ZFHX3: variants seen among roughly 807,000 people sequenced by gnomAD.
The protein encoded by ZFHX3 is zinc finger homeobox 3.
In ZFHX3, 42 loss-of-function variants were observed where a neutral mutation model predicts 279.1. The ratio of observed to expected loss-of-function variants is 0.15; its 90% confidence interval spans 0.12 to 0.19. The LOEUF (loss-of-function observed/expected upper bound fraction) is 0.19, where lower values mean the gene tolerates loss of function less well. Among genes scored for constraint, ZFHX3 ranks in the 10% least tolerant of loss-of-function variants. The probability of loss-of-function intolerance (pLI) is 1.00; values close to 1 mark genes in which losing one functional copy is unlikely to be tolerated. For synonymous variants in ZFHX3, 2,293 were observed against 1,957.8 expected, an observed-to-expected ratio of 1.17 and a Z score of -4.52; for missense variants, 4,981 against 4,754.0, an observed-to-expected ratio of 1.05 and a Z score of -1.40.
At chr16:73,848,363 T>C (rs1448761735) in intron 1 of ZFHX3, among the ~76,000 whole-genome samples, 4 of 152,104 alleles carry the variant, frequency 2.6e-5, no homozygotes, top group African/African-American at 9.7e-5. Flanking sequence ...TAAGCTGTTA[T>C]GAAACTAGGG....
chr16:72,869,800 AT>A (rs1449053732), intron 4 of ZFHX3, among the ~76,000 whole-genome samples: 1 of 152,248 alleles, frequency 6.6e-6, no homozygotes, highest in Non-Finnish European at 1.5e-5. Context: ...TCCTCACTAG[AT>A]TCTCATTAAT....
At chr16:73,596,274 C>T (rs189641424) in intron 2 of ZFHX3, among the ~76,000 whole-genome samples, 43 of 152,256 alleles carry the variant, frequency 2.8e-4, no homozygotes, top group Middle Eastern at 3.4e-3. Context: ...CCACCCACCT[C>T]GGCCTCCCAA....
intron 1 of ZFHX3, among the ~76,000 whole-genome samples, chr16:73,704,064 A>G (rs1439305430): frequency 2.0e-5 from 3 of 152,186 alleles, no homozygotes; most frequent in Non-Finnish European, 2.9e-5. Flanking sequence ...AGTAGCAGTC[A>G]CAAAGAAATG....
chr16:73,794,608 C>T (rs13336717), intron 1 of ZFHX3, among the ~76,000 whole-genome samples: 6,179 of 152,132 alleles, frequency 0.041, 417 homozygotes, highest in African/African-American at 0.14. Context: ...TTGCAAATGA[C>T]GCAACTGAGG....
intron 4 of ZFHX3, among the ~76,000 whole-genome samples, chr16:73,308,236 TA>T (rs1377972646): frequency 2.9e-4 from 2 of 6,884 alleles, no homozygotes; most frequent in Non-Finnish European, 9.9e-4. Flanking sequence ...TATATATATA[TA>T]TATATATATA....
At chr16:72,960,548 T>C (rs1961527564) in intron 1 of ZFHX3, among the ~76,000 whole-genome samples, 2 of 152,194 alleles carry the variant, frequency 1.3e-5, no homozygotes, top group South Asian at 4.2e-4. Flanking sequence ...GGACGCGTCA[T>C]CTCTCCAGCC....
At chr16:73,635,469 C>G (rs922977083) in intron 2 of ZFHX3, among the ~76,000 whole-genome samples, 2 of 152,192 alleles carry the variant, frequency 1.3e-5, no homozygotes, top group African/African-American at 4.8e-5. Flanking sequence ...ACTCAGTGTT[C>G]CAACAGATTT....
intron 3 of ZFHX3, among the ~76,000 whole-genome samples, chr16:73,398,366 C>G (rs369178304): frequency 6.6e-6 from 1 of 152,164 alleles, no homozygotes; most frequent in Non-Finnish European, 1.5e-5. Flanking sequence ...TCACCAGTGT[C>G]TAGGATAAAC....
intron 3 of ZFHX3, among the ~76,000 whole-genome samples, chr16:73,433,253 C>G (rs944978954): frequency 6.6e-5 from 10 of 152,236 alleles, no homozygotes; most frequent in Admixed American, 1.3e-4. Context: ...CCCACAAGCT[C>G]AGCCCTCCAC....
At chr16:73,737,997 CG>C (rs2053623823) in intron 1 of ZFHX3, among the ~76,000 whole-genome samples, 1 of 152,020 alleles carries the variant, frequency 6.6e-6, no homozygotes, top group East Asian at 1.9e-4. Flanking sequence ...CTAATGGCAA[CG>C]TTGAGATTTT....
chr16:73,113,817 CAG>C (rs980306520), intron 7 of ZFHX3, among the ~76,000 whole-genome samples: 4 of 16,910 alleles, frequency 2.4e-4, no homozygotes, highest in African/African-American at 5.5e-4. Context: ...TTTTTTTAGA[CAG>C]AGTCTTGCTG....
At chr16:73,802,357 A>T (rs328394) in intron 1 of ZFHX3, among the ~76,000 whole-genome samples, 23,909 of 152,152 alleles carry the variant, frequency 0.16, 5,495 homozygotes, top group African/African-American at 0.51. Context: ...ACTCTAGATA[A>T]TTTGCTATGG....
chr16:73,392,355 G>A (rs1225563854), intron 3 of ZFHX3, among the ~76,000 whole-genome samples: 1 of 134,646 alleles, frequency 7.4e-6, no homozygotes, highest in Non-Finnish European at 1.5e-5. Flanking sequence ...GGAGGTGGAG[G>A]CTGCAGTAAG....
At chr16:73,883,399 A>ATGTGTGTG (rs34914604) in intron 1 of ZFHX3, among the ~76,000 whole-genome samples, 2 of 149,068 alleles carry the variant, frequency 1.3e-5, no homozygotes, top group African/African-American at 5.0e-5. Context: ...AGCCATATAT[A>ATGTGTGTG]TGTGTGTGTG....
intron 2 of ZFHX3, among the ~76,000 whole-genome samples, chr16:73,594,880 G>C (rs1479442923): frequency 6.6e-6 from 1 of 152,086 alleles, no homozygotes; most frequent in Non-Finnish European, 1.5e-5. Context: ...GTTAATATTT[G>C]TGTATGGTCT....
intron 7 of ZFHX3, among the ~76,000 whole-genome samples, chr16:72,810,445 C>T (rs571535307): frequency 1.3e-5 from 2 of 152,336 alleles, no homozygotes; most frequent in South Asian, 4.1e-4. Context: ...CTTGGCCTCC[C>T]AAAGTGTTGG....
At chr16:73,708,830 G>C (rs1409906219) in intron 1 of ZFHX3, among the ~76,000 whole-genome samples, 1 of 152,154 alleles carries the variant, frequency 6.6e-6, no homozygotes, top group South Asian at 2.1e-4. Context: ...TAGGGGAGAG[G>C]AAATCTGGGA....
intron 4 of ZFHX3, among the ~76,000 whole-genome samples, chr16:72,864,952 G>A (rs1365928904): frequency 6.6e-6 from 1 of 152,182 alleles, no homozygotes; most frequent in Non-Finnish European, 1.5e-5. Context: ...AAAGATGTGG[G>A]CCAGTGCATT....
chr16:72,940,084 A>C (rs530965938), intron 3 of ZFHX3, among the ~76,000 whole-genome samples: 1 of 150,920 alleles, frequency 6.6e-6, no homozygotes, highest in South Asian at 2.1e-4. Context: ...TAATTTTTTA[A>C]ATTTTTTTAT....
Sources: gnomAD v4.1 joint callset for allele counts (sites outside exome capture counted in the v4.1 genomes callset) on GRCh38, gnomAD v4.1.1 for gene constraint, MANE v1.5 for transcripts, NCBI Gene and HGNC (gene_info 2026-07-23, HGNC 2026-07-21) for gene names.